The following XKR6 variants were observed in gnomAD, a reference collection of about 807,000 sequenced individuals.
XKR6 encodes XK related 6.
Under a neutral mutation model 56.7 loss-of-function variants are expected in XKR6, and 22 were observed. That is an observed-to-expected ratio of 0.39 (90% CI 0.28 to 0.55). The LOEUF is 0.55. XKR6 is among the 20% of genes least tolerant of loss of function. The pLI is 0.66. For synonymous variants in XKR6, 524 were observed against 387.8 expected (o/e 1.35, Z -4.13); for missense variants, 852 against 889.0 (o/e 0.96, Z 0.53).
chr8:11,014,954 T>C (rs868729904), intron 1 of XKR6, among the ~76,000 whole-genome samples: 15 of 152,266 alleles, frequency 9.9e-5, no homozygotes, highest in African/African-American at 2.6e-4. Context: ...TTCCAAATCA[T>C]CTTCAGCCAC....
intron 1 of XKR6, among the ~76,000 whole-genome samples, chr8:11,088,807 A>C (rs1003453348): frequency 2.6e-5 from 4 of 152,260 alleles, no homozygotes; most frequent in African/African-American, 9.6e-5. Context: ...TCTGCCCTAC[A>C]GTGCCTAGCC....
rs533401382 is a variant in XKR6, at chr8:10,988,078, G to T, written c.765-63248C>A. The stretch of plus-strand genomic sequence containing the variant: ...AAATCAACTTAATGGGCTGTTCCCG[G>T]GCCATCCCCTCTAAAGTTTCACCCT... On this transcript the variant is annotated intron_variant, in intron 1 of 2. Coordinates refer to ENST00000416569, the MANE Select transcript of XKR6 (RefSeq NM_173683.4). Among the ~76,000 whole-genome samples, 12 of 152,264 alleles carry T rather than the reference G, an allele frequency of 7.9e-5. No individual in the cohort carries two copies. The East Asian group carries it at 1.9e-3, about 24-fold the overall frequency.
intron 1 of XKR6, among the ~76,000 whole-genome samples, chr8:11,079,016 G>C (rs1160907181): frequency 6.6e-6 from 1 of 152,234 alleles, no homozygotes; most frequent in Non-Finnish European, 1.5e-5. Context: ...AAGACTAGAG[G>C]AACAGGGCGC....
chr8:10,921,665 T>A (rs1800723644), intron 2 of XKR6, among the ~76,000 whole-genome samples: 1 of 152,150 alleles, frequency 6.6e-6, no homozygotes. Context: ...GTCCTTGGAT[T>A]TCAAATGCCC....
At chr8:11,158,139 G>A (rs555208580) in intron 1 of XKR6, among the ~76,000 whole-genome samples, 11 of 152,266 alleles carry the variant, frequency 7.2e-5, no homozygotes, top group South Asian at 2.1e-4. Context: ...GCCAGGCACC[G>A]GGACTCAGTG....
At chr8:10,929,746 G>A (rs1801002891) in intron 1 of XKR6, among the ~76,000 whole-genome samples, 1 of 152,152 alleles carries the variant, frequency 6.6e-6, no homozygotes, top group Admixed American at 6.5e-5. Flanking sequence ...GGGTCACAGG[G>A]GCCTTAAATA....
At chr8:10,997,570 G>T (rs533523285) in intron 1 of XKR6, among the ~76,000 whole-genome samples, 3 of 152,262 alleles carry the variant, frequency 2.0e-5, no homozygotes, top group South Asian at 4.2e-4. Context: ...TGAGATGAGG[G>T]TTATGGAGAG....
At position 11,201,436 on chromosome 8, in the gene XKR6, G is replaced by A. The variant is rs1804241019; in HGVS notation, c.-97C>T. On this transcript the variant is annotated 5_prime_UTR_variant, in exon 1 of 3. Transcript: ENST00000416569. Reference sequence around the variant, plus strand: ...GGGGAGGGGGGGAAACGAATGGAGAGGAAGGGGGGCGGGGAGGAAGCGGGG... The same window carrying A: ...GGGGAGGGGGGGAAACGAATGGAGAAGAAGGGGGGCGGGGAGGAAGCGGGG... 2.1e-6 allele frequency: 1 copy of A among 468,114 alleles called. No individual in the cohort carries two copies. The highest frequency in any genetic ancestry group is 3.5e-6 in the Non-Finnish European group (1 of 282,952). The allele number at this position is 468,114 out of a possible 1,614,324, so 29.0% of individuals were successfully genotyped here.
Position 10,898,506 on chromosome 8 carries a change from A to G in XKR6, c.1372T>C (p.Phe458Leu). The G allele has an allele frequency of 1.9e-6, 3 of 1,614,030 alleles. No individual in the cohort carries two copies. The South Asian group carries it at 3.3e-5, about 18-fold the overall frequency. The change falls in exon 3 of 3, where the codon TTC becomes CTC. Residue 458 changes from phenylalanine (F) to leucine (L), a missense_variant. Phe to Leu is a conservative substitution (Grantham distance 22). This residue lies in a region of XKR6 where 197 missense variants were observed against 190.9 expected (regional missense o/e 1.03). Coordinates refer to ENST00000416569, the MANE Select transcript of XKR6 (RefSeq NM_173683.4). This position sits in a 1 kb window ranked among gnomAD's most constrained non-coding sequence, Gnocchi z 6.6. The part of the protein sequence containing the change: ...IVLTENAALT[F>L]LWYFYRDPET... ...GGGTCTCTGTAAAAATACCAAAGGA[A>G]CGTCAAGGCAGCATTCTCGGTCAAG... is the stretch of plus-strand genomic sequence containing the variant.
At chr8:11,178,401 A>T (rs1802770648) in intron 1 of XKR6, among the ~76,000 whole-genome samples, 2 of 151,868 alleles carry the variant, frequency 1.3e-5, no homozygotes. Context: ...GCGGCTATGA[A>T]AGAGCACCAC....
intron 1 of XKR6, among the ~76,000 whole-genome samples, chr8:10,959,757 C>CCA (rs1051103766): frequency 1.3e-5 from 2 of 152,150 alleles, no homozygotes; most frequent in African/African-American, 4.8e-5. Context: ...CCAGAGCATC[C>CCA]AGTATTGGAA....
At chr8:11,024,506 G>A (rs534209478) in intron 1 of XKR6, among the ~76,000 whole-genome samples, 1 of 152,288 alleles carries the variant, frequency 6.6e-6, no homozygotes, top group Non-Finnish European at 1.5e-5. Context: ...TCAGTCAGTG[G>A]TAGCCATTAC....
At chr8:10,917,779 A>T (rs7014147) in intron 2 of XKR6, among the ~76,000 whole-genome samples, 29,547 of 152,150 alleles carry the variant, frequency 0.19, 3,174 homozygotes, top group Non-Finnish European at 0.21. Context: ...CTGAGTTTTC[A>T]TCGTGAACCT....
intron 1 of XKR6, among the ~76,000 whole-genome samples, chr8:11,015,020 G>A (rs1367332976): frequency 2.6e-5 from 4 of 152,188 alleles, no homozygotes; most frequent in Non-Finnish European, 5.9e-5. Flanking sequence ...AAGCAGACGT[G>A]AGAGGACAGG....
intron 1 of XKR6, among the ~76,000 whole-genome samples, chr8:11,162,341 C>T (rs1477761375): frequency 6.6e-6 from 1 of 152,170 alleles, no homozygotes; most frequent in East Asian, 1.9e-4. Flanking sequence ...GAGCTACACT[C>T]CAGCCTCCCA....
chr8:11,142,500 G>C (rs1394990445), intron 1 of XKR6, among the ~76,000 whole-genome samples: 1 of 152,168 alleles, frequency 6.6e-6, no homozygotes. Flanking sequence ...GATCATGGGA[G>C]CAGATCCCTC....
In XKR6 at chr8:11,157,441, C is replaced by A. The variant is rs150307437; in HGVS notation, c.764+43135G>T. Among the ~76,000 whole-genome samples the A allele has an allele frequency of 2.6e-3, 392 of 152,186 alleles. 2 individuals carry two copies. Among genetic ancestry groups the A allele is most frequent in the African/African-American group, 9.0e-3 (372 of 41,524 alleles). Reference sequence around the variant, plus strand: ...ATGGATACTCTGTGCTATCTTTAAGCTTTTCTGTAAACATAAAAAACCTAA... The same window carrying A: ...ATGGATACTCTGTGCTATCTTTAAGATTTTCTGTAAACATAAAAAACCTAA... On this transcript the variant is annotated intron_variant, in intron 1 of 2. Coordinates refer to ENST00000416569, the MANE Select transcript of XKR6 (RefSeq NM_173683.4).
intron 1 of XKR6, among the ~76,000 whole-genome samples, chr8:11,019,684 A>C (rs1798706219): frequency 6.6e-6 from 1 of 152,218 alleles, no homozygotes; most frequent in Non-Finnish European, 1.5e-5. Context: ...CTGAGGCTGC[A>C]GGGCCGTAAC....
chr8:10,935,520 T>C (rs550460293), intron 1 of XKR6, among the ~76,000 whole-genome samples: 17,225 of 132,884 alleles, frequency 0.13, 1,317 homozygotes, highest in Non-Finnish European at 0.17. Context: ...CTTTCCTGCT[T>C]TCTCTTGTGG....
Sources: gnomAD v4.1 joint callset for allele counts (sites outside exome capture counted in the v4.1 genomes callset) on GRCh38, gnomAD v4.1.1 for gene constraint, gnomAD v4.1.1 regional missense constraint, Gnocchi (gnomAD v3.1) non-coding constraint, MANE v1.5 for transcripts, NCBI Gene and HGNC (gene_info 2026-07-23, HGNC 2026-07-21) for gene names.